LYPD1: variants seen among roughly 807,000 people sequenced by gnomAD.
The protein encoded by LYPD1 is LY6/PLAUR domain containing 1.
LYPD1 carries 14 observed loss-of-function variants against 14.2 expected under a neutral mutation model. That is an observed-to-expected ratio of 0.99 (90% CI 0.65 to 1.54). The LOEUF (loss-of-function observed/expected upper bound fraction) is 1.54, where lower values mean the gene tolerates loss of function less well. LYPD1 is among the 40% of genes most tolerant of loss of function. The pLI is 0.00. For missense variants in LYPD1, 165 were observed against 175.7 expected (o/e 0.94, Z 0.34); for synonymous variants, 85 against 70.6 (o/e 1.20, Z -1.02).
chr2:132,664,463 T>C (rs1573754501), intron 2 of LYPD1, among the ~76,000 whole-genome samples: 1 of 152,246 alleles, frequency 6.6e-6, no homozygotes, highest in African/African-American at 2.4e-5. Flanking sequence ...TAGCCATTAC[T>C]TACACAGCCA....
At chr2:132,655,953 C>T (rs189547362) in intron 2 of LYPD1, among the ~76,000 whole-genome samples, 1 of 151,792 alleles carries the variant, frequency 6.6e-6, no homozygotes, top group Admixed American at 6.5e-5. Context: ...AGATCTGTCA[C>T]CCCCCTCCAC....
At chr2:132,663,510 G>A (rs1404208705) in intron 2 of LYPD1, among the ~76,000 whole-genome samples, 3 of 152,122 alleles carry the variant, frequency 2.0e-5, no homozygotes, top group African/African-American at 7.2e-5. Flanking sequence ...CCTGACCTCA[G>A]GTGATCCACC....
At position 132,645,514 on chromosome 2, in the gene LYPD1, C is replaced by T; in HGVS notation, c.*531G>A. On this transcript the variant is annotated 3_prime_UTR_variant, in exon 3 of 3. Transcript: ENST00000397463. Reference sequence around the variant, plus strand: ...CGAGGCCGAGCCCCAGTCTAAGTCCCAGTCATTGAGTCTCGAGTCACTAGA... The same window carrying T: ...CGAGGCCGAGCCCCAGTCTAAGTCCTAGTCATTGAGTCTCGAGTCACTAGA... The T allele has an allele frequency of 1.9e-6, 3 of 1,613,954 alleles. No individual in the cohort carries two copies. Among genetic ancestry groups the T allele is most frequent in the African/African-American group, 1.3e-5 (1 of 74,892 alleles).
In LYPD1 at chr2:132,656,224, G is replaced by A. The variant is rs565418450; in HGVS notation, c.191-9944C>T. On this transcript the variant is annotated intron_variant, in intron 2 of 2. Transcript: ENST00000397463. ...GTACAAAGACAGAAATTTCTAAACA[G>A]AGCCTTTAATAGTCCATTACTTTTT... Among the ~76,000 whole-genome samples the A allele has an allele frequency of 4.6e-5, 7 of 152,252 alleles. 1 individual carries two copies. The South Asian group carries it at 1.5e-3, about 32-fold the overall frequency.
At chr2:132,647,493 C>A (rs116829184) in intron 2 of LYPD1, among the ~76,000 whole-genome samples, 1 of 152,150 alleles carries the variant, frequency 6.6e-6, no homozygotes. Context: ...CCACCACACC[C>A]GACTAACTTT....
chr2:132,660,298 G>A (rs1189506883), intron 2 of LYPD1, among the ~76,000 whole-genome samples: 2 of 152,158 alleles, frequency 1.3e-5, no homozygotes, highest in Admixed American at 6.5e-5. Flanking sequence ...TTGAGCCATC[G>A]CTGCTCTATT....
chr2:132,665,846 C>T (rs1047136243), intron 2 of LYPD1, among the ~76,000 whole-genome samples: 1 of 152,170 alleles, frequency 6.6e-6, no homozygotes, highest in Non-Finnish European at 1.5e-5. Context: ...GAACAAAACT[C>T]CCAGCAAGAT....
At chr2:132,664,351 CTTAG>C (rs1683147491) in intron 2 of LYPD1, among the ~76,000 whole-genome samples, 1 of 152,158 alleles carries the variant, frequency 6.6e-6, no homozygotes, top group African/African-American at 2.4e-5. Flanking sequence ...GTTGCTATCC[CTTAG>C]TTAGCTCATG....
At chr2:132,649,184 G>C (rs1257973693) in intron 2 of LYPD1, among the ~76,000 whole-genome samples, 2 of 152,172 alleles carry the variant, frequency 1.3e-5, no homozygotes, top group Non-Finnish European at 2.9e-5. Context: ...AAGCAGGTAG[G>C]AGGTGTTGTG....
rs566803584 is a variant in LYPD1, at chr2:132,658,993, T to C, written c.190+9407A>G. 3.9e-5 allele frequency among the ~76,000 whole-genome samples: 6 copies of C among 152,092 alleles called. No individual in the cohort carries two copies. The East Asian group carries it at 1.2e-3, about 29-fold the overall frequency. Reference sequence around the variant, plus strand: ...GTGTGTTTCTTGAAAACACTCCTATTCAAAGCAAAGCCAGGTCAGCCTTAA... The same window carrying C: ...GTGTGTTTCTTGAAAACACTCCTATCCAAAGCAAAGCCAGGTCAGCCTTAA... On this transcript the variant is annotated intron_variant, in intron 2 of 2. Coordinates refer to ENST00000397463, the MANE Select transcript of LYPD1 (RefSeq NM_144586.7).
rs7558730 is a variant in LYPD1, at chr2:132,643,419, T to A, written c.*2626A>T. 6.6e-6 allele frequency among the ~76,000 whole-genome samples: 1 copy of A among 152,034 alleles called. No homozygotes were observed. Among genetic ancestry groups the A allele is most frequent in the Non-Finnish European group, 1.5e-5 (1 of 68,000 alleles). On this transcript the variant is annotated 3_prime_UTR_variant, in exon 3 of 3. Transcript: ENST00000397463. ...GATTTGTGGAGGATTTGAACACAGC[T>A]AGGGTCCCCTCCAACAGCAGGCAAG...
rs965665002 is a variant in LYPD1, at chr2:132,648,443, A to G, written c.191-2163T>C. Among the ~76,000 whole-genome samples, 13 of 152,194 alleles carry G rather than the reference A, an allele frequency of 8.5e-5. No individual in the cohort carries two copies. The East Asian group carries it at 2.5e-3, about 29-fold the overall frequency. ...GGCTGGTTTCTGTACATTTACATAT[A>G]TGCCCACAGAGAAATAAAGTCCGTG... On this transcript the variant is annotated intron_variant, in intron 2 of 2. Transcript: ENST00000397463.
chr2:132,660,560 T>A (rs1446327414), intron 2 of LYPD1: 1 of 152,240 alleles, frequency 6.6e-6, no homozygotes, highest in African/African-American at 2.4e-5. Context: ...GTTCTTTCAT[T>A]TGCTGGCTGA....
At chr2:132,664,363 A>G (rs1161049952) in intron 2 of LYPD1, among the ~76,000 whole-genome samples, 1 of 152,228 alleles carries the variant, frequency 6.6e-6, no homozygotes, top group Non-Finnish European at 1.5e-5. Context: ...TAGTTAGCTC[A>G]TGAGAAAATA....
chr2:132,659,581 G>A (rs1383886998), intron 2 of LYPD1, among the ~76,000 whole-genome samples: 1 of 152,260 alleles, frequency 6.6e-6, no homozygotes, highest in Non-Finnish European at 1.5e-5. Flanking sequence ...CTCTTATGCA[G>A]AATGTCTCCT....
At position 132,643,612 on chromosome 2, in the gene LYPD1, C is replaced by G. The variant is rs1681910855; in HGVS notation, c.*2433G>C. On this transcript the variant is annotated 3_prime_UTR_variant, in exon 3 of 3. Coordinates refer to ENST00000397463, the MANE Select transcript of LYPD1 (RefSeq NM_144586.7). ...CACTGTAGCCTTCACCTCCTGGGCT[C>G]AAGTGATCCTCCCGCCTCAGCCCCC... 6.6e-6 allele frequency among the ~76,000 whole-genome samples: 1 copy of G among 152,216 alleles called. No homozygotes were observed. The highest frequency in any genetic ancestry group is 2.1e-4 in the South Asian group (1 of 4,826).
Position 132,645,389 on chromosome 2 carries a change from C to G in LYPD1, c.*656G>C. The stretch of plus-strand genomic sequence containing the variant: ...CTGCGCGTACATGCGCACTCCACCA[C>G]CGACAGCGCCCGCTTTGTGCAGCGC... On this transcript the variant is annotated 3_prime_UTR_variant, in exon 3 of 3. Transcript: ENST00000397463. The G allele has an allele frequency of 1.9e-6, 3 of 1,613,750 alleles. No homozygotes were observed. The highest frequency in any genetic ancestry group is 2.5e-6 in the Non-Finnish European group (3 of 1,180,020).
Position 132,645,209 on chromosome 2 carries a change from AC to A in LYPD1, c.*835del. On this transcript the variant is annotated 3_prime_UTR_variant, in exon 3 of 3. Coordinates refer to ENST00000397463, the MANE Select transcript of LYPD1 (RefSeq NM_144586.7). ...TGGACGAGGTCCTACTTCCGGGCGTACATGATCCTCCTCCCCTTCTCGGAGA... is the reference window on the plus strand; with the variant it reads ...TGGACGAGGTCCTACTTCCGGGCGTAATGATCCTCCTCCCCTTCTCGGAGA... The A allele has an allele frequency of 6.2e-7, 1 of 1,614,190 alleles. No individual in the cohort carries two copies. Among genetic ancestry groups the A allele is most frequent in the Non-Finnish European group, 8.5e-7 (1 of 1,180,026 alleles).
chr2:132,660,150 G>C (rs189254539), intron 2 of LYPD1, among the ~76,000 whole-genome samples: 1 of 152,168 alleles, frequency 6.6e-6, no homozygotes, highest in African/African-American at 2.4e-5. Flanking sequence ...AACATAAAAA[G>C]CTATTGTCCA....
Sources: gnomAD v4.1 joint callset for allele counts (sites outside exome capture counted in the v4.1 genomes callset) on GRCh38, gnomAD v4.1.1 for gene constraint, MANE v1.5 for transcripts, NCBI Gene and HGNC (gene_info 2026-07-23, HGNC 2026-07-21) for gene names.